ATP2B4: variants seen among roughly 807,000 people sequenced by gnomAD.
ATP2B4 encodes plasma membrane calcium-transporting ATPase 4.
ATP2B4 carries 39 observed loss-of-function variants against 110.3 expected under a neutral mutation model. The observed-to-expected ratio is 0.35, with a 90% CI of 0.27 to 0.46. The LOEUF (loss-of-function observed/expected upper bound fraction) is 0.46, where lower values mean the gene tolerates loss of function less well. Ranked by LOEUF, ATP2B4 falls within the 20% of genes least tolerant of loss-of-function variation. The probability of loss-of-function intolerance (pLI) is 1.00; values close to 1 mark genes in which losing one functional copy is unlikely to be tolerated. For synonymous variants in ATP2B4, 538 were observed against 571.7 expected (o/e 0.94, Z 0.84); for missense variants, 1,135 against 1,530.9 (o/e 0.74, Z 4.32).
At position 203,629,343 on chromosome 1, in the gene ATP2B4, T is replaced by C. The variant is rs1349825009; in HGVS notation, c.-465+2124T>C. On this transcript the variant is annotated intron_variant, in intron 1 of 20. Coordinates refer to ENST00000357681, the MANE Select transcript of ATP2B4 (RefSeq NM_001684.5). This position sits in a 1 kb window ranked among gnomAD's most constrained non-coding sequence, Gnocchi z 4.6. The stretch of plus-strand genomic sequence containing the variant: ...GCCACCATCTTGCTGAGGTGCAACC[T>C]CGAAAATCACGCCGCTTTCGCCGCG... Among the ~76,000 whole-genome samples, 1 of 152,178 alleles carries C rather than the reference T, an allele frequency of 6.6e-6. No individual in the cohort carries two copies. Among genetic ancestry groups the C allele is most frequent in the Non-Finnish European group, 1.5e-5 (1 of 68,024 alleles).
chr1:203,643,555 G>A (rs1299756863), intron 1 of ATP2B4, among the ~76,000 whole-genome samples: 1 of 152,208 alleles, frequency 6.6e-6, no homozygotes. Context: ...AAGATAATGC[G>A]TGAACCAGAA....
chr1:203,731,810 A>ACC (rs1187723320), intron 20 of ATP2B4, among the ~76,000 whole-genome samples: 4 of 124,358 alleles, frequency 3.2e-5, no homozygotes, highest in South Asian at 2.8e-4. Context: ...AGATCGTGCC[A>ACC]TTGCACTCCA....
intron 15 of ATP2B4, among the ~76,000 whole-genome samples, chr1:203,719,253 A>C: frequency 6.7e-6 from 1 of 149,850 alleles, no homozygotes; most frequent in Admixed American, 6.7e-5. Context: ...AAAGCAAGAG[A>C]GATAAAATAC....
At chr1:203,698,636 T>A (rs927896983) in intron 3 of ATP2B4, among the ~76,000 whole-genome samples, 8 of 151,578 alleles carry the variant, frequency 5.3e-5, no homozygotes, top group Non-Finnish European at 1.0e-4. Context: ...TTTATTTATT[T>A]ATTAATTATT....
chr1:203,667,017 T>A (rs1008784372), intron 1 of ATP2B4, among the ~76,000 whole-genome samples: 3 of 152,182 alleles, frequency 2.0e-5, no homozygotes, highest in African/African-American at 7.2e-5. Flanking sequence ...AGTGGTGCCA[T>A]CTCCACTCAC....
At chr1:203,708,138 G>C in intron 10 of ATP2B4, 34 bp downstream of exon 10, 1 of 1,609,920 alleles carries the variant, frequency 6.2e-7, no homozygotes. Flanking sequence ...ACTTAGAGTG[G>C]GTGGTTGGAA....
At chr1:203,700,764 C>T (rs529658913) in intron 5 of ATP2B4, 34 bp from the exon 6 acceptor site, 105 of 1,610,086 alleles carry the variant, frequency 6.5e-5, no homozygotes, top group South Asian at 1.2e-4. Flanking sequence ...TATTAAAAAA[C>T]CCATTCCTTC....
intron 1 of ATP2B4, among the ~76,000 whole-genome samples, chr1:203,633,724 A>AAATAAATC (rs1663348767): frequency 6.6e-6 from 1 of 151,112 alleles, no homozygotes; most frequent in Non-Finnish European, 1.5e-5. Context: ...ATAAATAAAT[A>AAATAAATC]AATAAATAAA....
chr1:203,690,171 G>A (rs973990332), intron 2 of ATP2B4, among the ~76,000 whole-genome samples: 12 of 152,086 alleles, frequency 7.9e-5, no homozygotes, highest in African/African-American at 2.9e-4. Context: ...AAGATCTCTG[G>A]GGCTTAACTG....
At chr1:203,720,339 C>G (rs1666284264) in intron 15 of ATP2B4, among the ~76,000 whole-genome samples, 1 of 152,192 alleles carries the variant, frequency 6.6e-6, no homozygotes, top group Non-Finnish European at 1.5e-5. Context: ...GATTGTAATT[C>G]CCAGTCTGAG....
At chr1:203,723,151 T>C (rs1666386409) in intron 18 of ATP2B4, among the ~76,000 whole-genome samples, 1 of 152,004 alleles carries the variant, frequency 6.6e-6, no homozygotes, top group Admixed American at 6.6e-5. Flanking sequence ...TGTACATGTA[T>C]ATTACATAGT....
chr1:203,683,552 G>A (rs1171711280), intron 2 of ATP2B4, among the ~76,000 whole-genome samples, 154 bp downstream of exon 2: 1 of 152,100 alleles, frequency 6.6e-6, no homozygotes, highest in Non-Finnish European at 1.5e-5. Context: ...ACTGAAAGGA[G>A]GGCAGGCCAT....
At chr1:203,674,829 T>G (rs1664782754) in intron 1 of ATP2B4, among the ~76,000 whole-genome samples, 1 of 151,890 alleles carries the variant, frequency 6.6e-6, no homozygotes, top group African/African-American at 2.4e-5. Flanking sequence ...GCTAATTTTT[T>G]GTATTTTTAG....
intron 1 of ATP2B4, among the ~76,000 whole-genome samples, chr1:203,649,520 A>G (rs534134484): frequency 3.9e-5 from 6 of 152,286 alleles, no homozygotes; most frequent in Middle Eastern, 3.4e-3. Context: ...GTTCACGCCT[A>G]TAATCCCAGT....
intron 1 of ATP2B4, among the ~76,000 whole-genome samples, chr1:203,651,575 A>G (rs947210859): frequency 1.8e-4 from 27 of 152,176 alleles, no homozygotes; most frequent in African/African-American, 6.0e-4. Context: ...GAAACATATT[A>G]TTTGTACTTG....
chr1:203,717,211 G>T (rs1230205588), intron 15 of ATP2B4, among the ~76,000 whole-genome samples: 1 of 152,072 alleles, frequency 6.6e-6, no homozygotes, highest in African/African-American at 2.4e-5. Flanking sequence ...AAACAAAAGA[G>T]ATTCCCCCTC....
chr1:203,678,552 C>T (rs543809273), intron 1 of ATP2B4, among the ~76,000 whole-genome samples: 3 of 152,010 alleles, frequency 2.0e-5, no homozygotes, highest in East Asian at 1.9e-4. Context: ...CACAGGTGTG[C>T]GCCATCATGC....
intron 14 of ATP2B4, among the ~76,000 whole-genome samples, chr1:203,713,927 C>T (rs1159727630): frequency 6.6e-6 from 1 of 152,250 alleles, no homozygotes; most frequent in South Asian, 2.1e-4. Flanking sequence ...TGCAGTTTGA[C>T]CCCTAGGTCT....
rs369325329 is a variant in ATP2B4 at position 203,665,850 on chromosome 1, T to C, written c.-464-16892T>C. On this transcript the variant is annotated intron_variant, in intron 1 of 20. Coordinates refer to ENST00000357681, the MANE Select transcript of ATP2B4 (RefSeq NM_001684.5). ...CCTTTTTATCCAGTGCTCAGCACAA[T>C]ATTTTGCTAATACATGCTTAAATGT... Among the ~76,000 whole-genome samples, 12 of 151,406 alleles carry C rather than the reference T, an allele frequency of 7.9e-5. No individual in the cohort carries two copies. The East Asian group carries it at 2.3e-3, about 29-fold the overall frequency.
Sources: gnomAD v4.1 joint callset for allele counts (sites outside exome capture counted in the v4.1 genomes callset) on GRCh38, gnomAD v4.1.1 for gene constraint, Gnocchi (gnomAD v3.1) non-coding constraint, MANE v1.5 for transcripts, NCBI Gene and HGNC (gene_info 2026-07-23, HGNC 2026-07-21) for gene names.